The following FOXJ2 variants were observed in gnomAD, a reference collection of about 807,000 sequenced individuals.
FOXJ2 encodes the protein forkhead box protein J2.
FOXJ2 carries 18 observed loss-of-function variants against 68.4 expected under a neutral mutation model. The ratio of observed to expected loss-of-function variants is 0.26; its 90% CI spans 0.18 to 0.39. The LOEUF is 0.39. Ranked by LOEUF, FOXJ2 falls within the 10% of genes least tolerant of loss-of-function variation. The probability of loss-of-function intolerance (pLI) is 1.00; values close to 1 mark genes in which losing one functional copy is unlikely to be tolerated. For synonymous variants in FOXJ2, 274 were observed against 263.2 expected (o/e 1.04, Z -0.40); for missense variants, 670 against 726.5 (o/e 0.92, Z 0.89).
At chr12:8,042,855 C>CT (rs1480447417) in intron 3 of FOXJ2, 123 bp downstream of exon 3, 475 of 808,482 alleles carry the variant, frequency 5.9e-4, no homozygotes, top group Non-Finnish European at 8.2e-4. Flanking sequence ...AGAGAAGCAT[C>CT]TTTATTTTTT....
At chr12:8,042,859 A>T (rs75681851) in intron 3 of FOXJ2, 127 bp downstream of exon 3, 21,033 of 786,176 alleles carry the variant, frequency 0.027, 286 homozygotes, top group Non-Finnish European at 0.034. Context: ...AAGCATCTTT[A>T]TTTTTTTCTC....
rs111325446 is a variant in FOXJ2 at position 8,043,709 on chromosome 12, T to C, written c.417T>C (p.Tyr139=). ...ATGGGATCTCCTTCCAGGGTTCCTA[T>C]TGGACAATTGACACCTGCCCTGACA... ...RPRDDPGKGS[Y]WTIDTCPDIS... Residue 139 remains tyrosine, a synonymous_variant, in exon 4 of 11, where the codon TAT becomes TAC. Transcript: ENST00000162391. 3.8e-5 allele frequency: 61 copies of C among 1,614,212 alleles called. No individual in the cohort carries two copies. In the East Asian group the frequency reaches 1.2e-3, roughly 33 times the overall value.
At chr12:8,050,714 C>A in intron 10 of FOXJ2, 94 bp downstream of exon 10, 2 of 1,372,306 alleles carry the variant, frequency 1.5e-6, no homozygotes, top group African/African-American at 1.4e-5. Flanking sequence ...GCATTTTTGC[C>A]TGCATCTCGC....
At chr12:8,045,069 G>T in intron 6 of FOXJ2, 111 bp downstream of exon 6, 1 of 1,105,676 alleles carries the variant, frequency 9.0e-7, no homozygotes. Context: ...TGTGAGACAG[G>T]GTCTCACTCT....
intron 9 of FOXJ2, 33 bp from the exon 10 acceptor site, chr12:8,050,489 C>T (rs200347551): frequency 8.1e-6 from 13 of 1,602,070 alleles, no homozygotes; most frequent in Non-Finnish European, 1.1e-5. Context: ...CCCGCCCCCC[C>T]CAACTCAAGT....
At chr12:8,034,756 CCCTT>C (rs1306077809) in intron 1 of FOXJ2, among the ~76,000 whole-genome samples, 2 of 152,238 alleles carry the variant, frequency 1.3e-5, no homozygotes, top group Non-Finnish European at 2.9e-5. Flanking sequence ...CTCATCCTCT[CCCTT>C]CCTGTTTCTT....
chr12:8,039,367 T>A (rs1186420907), intron 1 of FOXJ2, among the ~76,000 whole-genome samples: 1 of 152,218 alleles, frequency 6.6e-6, no homozygotes, highest in African/African-American at 2.4e-5. Context: ...AGACTTTTGC[T>A]TTATATGTAC....
At chr12:8,036,962 G>A (rs763546861) in intron 1 of FOXJ2, among the ~76,000 whole-genome samples, 41 of 152,180 alleles carry the variant, frequency 2.7e-4, no homozygotes, top group African/African-American at 9.9e-4. Flanking sequence ...GGTGGCGTGT[G>A]CCTATAATCC....
At chr12:8,042,821 C>A in intron 3 of FOXJ2, 89 bp downstream of exon 3, 2 of 1,066,094 alleles carry the variant, frequency 1.9e-6, no homozygotes, top group Non-Finnish European at 2.8e-6. Context: ...TTTTAATTAC[C>A]CAGAAGAGGA....
chr12:8,044,350 G>A (rs1234602301), intron 5 of FOXJ2, among the ~76,000 whole-genome samples: 1 of 152,138 alleles, frequency 6.6e-6, no homozygotes, highest in African/African-American at 2.4e-5. Flanking sequence ...CGAGGCAGGC[G>A]GATCACGTGA....
chr12:8,036,050 C>T (rs1213860528), intron 1 of FOXJ2, among the ~76,000 whole-genome samples: 1 of 152,184 alleles, frequency 6.6e-6, no homozygotes, highest in African/African-American at 2.4e-5. Context: ...CTAGTATTCT[C>T]TTTTTTCCCC....
At chr12:8,044,675 G>A in intron 5 of FOXJ2, 85 bp from the exon 6 acceptor site, 4 of 1,438,278 alleles carry the variant, frequency 2.8e-6, no homozygotes, top group Non-Finnish European at 3.9e-6. Context: ...GAAGAGGACA[G>A]ACAGGAGAGC....
intron 10 of FOXJ2, among the ~76,000 whole-genome samples, chr12:8,050,833 CTCCCTTCCT>C (rs1947107111): frequency 7.7e-6 from 1 of 129,988 alleles, no homozygotes; most frequent in African/African-American, 3.1e-5. Context: ...CTCCCTTCCC[CTCCCTTCCT>C]TTCCCTTCCC....
chr12:8,053,703 T>C lies in FOXJ2; in HGVS notation c.*853T>C, dbSNP rs1345916452. The C allele has an allele frequency of 6.6e-6, 1 of 152,240 alleles. No homozygotes were observed. The highest frequency in any genetic ancestry group is 1.5e-5 in the Non-Finnish European group (1 of 68,034). The allele number at this position is 152,240 out of a possible 1,614,324, so 9.4% of individuals were successfully genotyped here. On this transcript the variant is annotated 3_prime_UTR_variant, in exon 11 of 11. Coordinates refer to ENST00000162391, the MANE Select transcript of FOXJ2 (RefSeq NM_018416.3). The surrounding 1 kb of genome is among the most constrained non-coding windows in gnomAD (Gnocchi z 4.1). ...ACAACTATTCAGCATGGTTTTAGCT[T>C]CTTGGAGATGATTCCAACTTAACTA...
At chr12:8,037,391 G>A (rs765742918) in intron 1 of FOXJ2, among the ~76,000 whole-genome samples, 1 of 152,308 alleles carries the variant, frequency 6.6e-6, no homozygotes, top group African/African-American at 2.4e-5. Flanking sequence ...AAGGGGGCTG[G>A]AGAAAGGTTA....
chr12:8,045,018 TGACA>T, intron 6 of FOXJ2, 60 bp downstream of exon 6: 3 of 1,477,958 alleles, frequency 2.0e-6, no homozygotes, highest in Non-Finnish European at 2.8e-6. Context: ...ACAAGTGGGG[TGACA>T]TTTTCTTTTT....
At chr12:8,039,317 T>C (rs1946936150) in intron 1 of FOXJ2, among the ~76,000 whole-genome samples, 1 of 152,054 alleles carries the variant, frequency 6.6e-6, no homozygotes, top group South Asian at 2.1e-4. Context: ...TCTTTAGACG[T>C]GTTGGTGTGT....
chr12:8,049,480 T>G lies in FOXJ2; in HGVS notation c.1446T>G (p.Pro482=). Residue 482 remains proline, a synonymous_variant, in exon 9 of 11, where the codon CCT becomes CCG. Transcript: ENST00000162391. Reference sequence around the variant, plus strand: ...TTACTCAGACTGGTCACGTGCCCCCTCAAGGGGGTACCCACCGCCCACCAG... The same window carrying G: ...TTACTCAGACTGGTCACGTGCCCCCGCAAGGGGGTACCCACCGCCCACCAG... The part of the protein sequence containing the change: ...HFLTQTGHVP[P]QGGTHRPPAP... The G allele has an allele frequency of 6.2e-7, 1 of 1,614,066 alleles. No homozygotes were observed. The highest frequency in any genetic ancestry group is 8.5e-7 in the Non-Finnish European group (1 of 1,179,990).
intron 8 of FOXJ2, 54 bp from the exon 9 acceptor site, chr12:8,049,308 G>A: frequency 1.3e-6 from 2 of 1,494,994 alleles, no homozygotes; most frequent in South Asian, 1.2e-5. Context: ...GGCGGGGTCT[G>A]ATAGGGGCTT....
Sources: gnomAD v4.1 joint callset for allele counts (sites outside exome capture counted in the v4.1 genomes callset) on GRCh38, gnomAD v4.1.1 for gene constraint, Gnocchi (gnomAD v3.1) non-coding constraint, MANE v1.5 for transcripts, NCBI Gene and HGNC (gene_info 2026-07-23, HGNC 2026-07-21) for gene names.